TRAF3IP1: variants seen among roughly 807,000 people sequenced by gnomAD.
TRAF3IP1 encodes TRAF3-interacting protein 1.
A neutral mutation model predicts 89.9 loss-of-function variants in TRAF3IP1; 53 were observed. That is an observed-to-expected ratio of 0.59 (90% CI 0.47 to 0.74). The LOEUF (loss-of-function observed/expected upper bound fraction) is 0.74. Among genes scored for constraint, TRAF3IP1 ranks in the 30% least tolerant of loss-of-function variants. TRAF3IP1 has a pLI of 0.00. For synonymous variants in TRAF3IP1, 311 were observed against 322.1 expected (o/e 0.97, Z 0.37); for missense variants, 806 against 866.1 (o/e 0.93, Z 0.87).
chr2:238,367,861 C>G (rs991815298), intron 15 of TRAF3IP1, among the ~76,000 whole-genome samples: 1 of 152,158 alleles, frequency 6.6e-6, no homozygotes, highest in South Asian at 2.1e-4. Context: ...GCCCCAGGCC[C>G]GGAGCCTGTG....
chr2:238,340,138 C>T (rs1013761307), intron 8 of TRAF3IP1, among the ~76,000 whole-genome samples: 3 of 152,254 alleles, frequency 2.0e-5, no homozygotes, highest in African/African-American at 7.2e-5. Context: ...CTCCTCCCCC[C>T]GACCCTGGCC....
At position 238,348,789 on chromosome 2, in the gene TRAF3IP1, A is replaced by C. The variant is rs746431524; in HGVS notation, c.1308A>C (p.Gln436His). 6.2e-7 allele frequency: 1 copy of C among 1,614,068 alleles called. No individual in the cohort carries two copies. Among genetic ancestry groups the C allele is most frequent in the Non-Finnish European group, 8.5e-7 (1 of 1,180,024 alleles). ...DAEGDAGPAG[Q>H]DKSEVPETPE... Reference sequence around the variant, plus strand: ...AAGGAGATGCTGGACCTGCTGGCCAAGATAAGTCTGAGGTGCCAGAGACTC... The same window carrying C: ...AAGGAGATGCTGGACCTGCTGGCCACGATAAGTCTGAGGTGCCAGAGACTC... The change falls in exon 11 of 17, where the codon CAA becomes CAC. Residue 436 changes from glutamine to histidine, a missense_variant. By Grantham distance (24) the Gln-to-His change is conservative. This residue lies in a region of TRAF3IP1 where 732 missense variants were observed against 780.5 expected (regional missense o/e 0.94). Coordinates refer to ENST00000373327, the MANE Select transcript of TRAF3IP1 (RefSeq NM_015650.4).
At chr2:238,362,138 C>T (rs1699688797) in intron 15 of TRAF3IP1, among the ~76,000 whole-genome samples, 1 of 152,166 alleles carries the variant, frequency 6.6e-6, no homozygotes, top group South Asian at 2.1e-4. Context: ...TCTCCTCTGG[C>T]GCCCCTCCTG....
intron 14 of TRAF3IP1, among the ~76,000 whole-genome samples, chr2:238,353,539 A>G (rs906534619): frequency 2.6e-5 from 4 of 152,184 alleles, no homozygotes; most frequent in Non-Finnish European, 4.4e-5. Context: ...TTGCAAGTCT[A>G]GTTCTGGAAT....
At chr2:238,320,929 G>A in intron 1 of TRAF3IP1, 144 bp downstream of exon 1, 1 of 638,670 alleles carries the variant, frequency 1.6e-6, no homozygotes, top group Non-Finnish European at 2.1e-6. Context: ...CCGGAGTCGG[G>A]GCCCGGGCCG....
chr2:238,341,961 T>A (rs948561435), intron 8 of TRAF3IP1, among the ~76,000 whole-genome samples: 14 of 147,868 alleles, frequency 9.5e-5, no homozygotes, highest in African/African-American at 3.7e-4. Context: ...CTTTTTTTTT[T>A]ATTTTGCCAA....
At position 238,351,883 on chromosome 2, in the gene TRAF3IP1, GCGTGCATGTGCT is replaced by G. The variant is rs1699187019; in HGVS notation, c.1452-943_1452-932del. 6.6e-6 allele frequency among the ~76,000 whole-genome samples: 1 copy of G among 151,302 alleles called. No homozygotes were observed. Among genetic ancestry groups the G allele is most frequent in the African/African-American group, 2.4e-5 (1 of 41,172 alleles). On this transcript the variant is annotated intron_variant, in intron 12 of 16. Coordinates refer to ENST00000373327, the MANE Select transcript of TRAF3IP1 (RefSeq NM_015650.4). The surrounding 1 kb of genome is among the most constrained non-coding windows in gnomAD (Gnocchi z 5.2). ...TGTGTGTGTGCGCGCGCGCGCGTGT[GCGTGCATGTGCT>G]TGTGTGTATGCGTGTGTGTGTGTGT...
At chr2:238,367,693 G>A (rs1011825916) in intron 15 of TRAF3IP1, among the ~76,000 whole-genome samples, 1 of 152,118 alleles carries the variant, frequency 6.6e-6, no homozygotes, top group African/African-American at 2.4e-5. Context: ...ATGGCCTCCT[G>A]CACCTGCACC....
intron 15 of TRAF3IP1, among the ~76,000 whole-genome samples, chr2:238,367,752 G>A (rs1699945658): frequency 6.6e-6 from 1 of 152,112 alleles, no homozygotes; most frequent in Admixed American, 6.5e-5. Context: ...TCAGTCCCTT[G>A]CCCAAGGCCT....
chr2:238,353,797 G>A (rs555601828), intron 14 of TRAF3IP1, among the ~76,000 whole-genome samples: 105 of 152,040 alleles, frequency 6.9e-4, no homozygotes, highest in Non-Finnish European at 6.0e-4. Flanking sequence ...TATTTGAGGC[G>A]GAGTCTTGCC....
At chr2:238,335,595 G>A (rs1157404845) in intron 7 of TRAF3IP1, among the ~76,000 whole-genome samples, 6 of 151,956 alleles carry the variant, frequency 3.9e-5, no homozygotes, top group Non-Finnish European at 4.4e-5. Flanking sequence ...ATAAACTAAC[G>A]TCTCAGAATT....
chr2:238,340,833 G>A (rs76797057), intron 8 of TRAF3IP1, among the ~76,000 whole-genome samples: 16,565 of 70,692 alleles, frequency 0.23, 1,110 homozygotes, highest in African/African-American at 0.32. Context: ...GTGTGTGTGT[G>A]TATATATATA....
chr2:238,340,543 C>T (rs901023944), intron 8 of TRAF3IP1, among the ~76,000 whole-genome samples: 1 of 152,092 alleles, frequency 6.6e-6, no homozygotes, highest in African/African-American at 2.4e-5. Context: ...AAAACATGAA[C>T]AATTTCTTCC....
At chr2:238,370,299 GTA>G (rs1408812024) in intron 15 of TRAF3IP1, among the ~76,000 whole-genome samples, 1 of 152,030 alleles carries the variant, frequency 6.6e-6, no homozygotes, top group Non-Finnish European at 1.5e-5. Flanking sequence ...GTGCATGTGT[GTA>G]TGTTTATGTC....
Position 238,379,198 on chromosome 2 carries a change from ACC to A in TRAF3IP1, c.1690-18257_1690-18256del. Among the ~76,000 whole-genome samples the A allele has an allele frequency of 6.6e-6, 1 of 151,648 alleles. No homozygotes were observed. Among genetic ancestry groups the A allele is most frequent in the East Asian group, 1.9e-4 (1 of 5,170 alleles). On this transcript the variant is annotated intron_variant, in intron 15 of 16. Transcript: ENST00000373327. The surrounding 1 kb of genome is among the most constrained non-coding windows in gnomAD (Gnocchi z 4.0). ...GGCTGCTGGTCTCTCGGGCCGGACA[ACC>A]CCCACCCCATTTAAGTCCCTGCCCA...
Position 238,371,890 on chromosome 2 carries a change from G to C in TRAF3IP1, c.1689+15810G>C, listed in dbSNP as rs554389383. 3.0e-4 allele frequency among the ~76,000 whole-genome samples: 45 copies of C among 152,190 alleles called. No homozygotes were observed. The South Asian group carries it at 9.1e-3, about 31-fold the overall frequency. ...AAATATTAAATTACGTATATGGCTT[G>C]CATATTTCTATTGGGCAGCATTGGT... On this transcript the variant is annotated intron_variant, in intron 15 of 16. Transcript: ENST00000373327.
intron 14 of TRAF3IP1, among the ~76,000 whole-genome samples, chr2:238,353,725 A>G (rs1052904283): frequency 3.3e-5 from 5 of 152,006 alleles, no homozygotes; most frequent in African/African-American, 1.2e-4. Context: ...GTGAGTAACG[A>G]GGGCTTGTTG....
intron 15 of TRAF3IP1, among the ~76,000 whole-genome samples, chr2:238,375,050 A>G (rs1198702434): frequency 2.0e-5 from 3 of 152,124 alleles, no homozygotes; most frequent in East Asian, 3.9e-4. Flanking sequence ...CTAGCGGTCT[A>G]TCAGTTTTGT....
At chr2:238,397,380 C>A (rs559963661) in intron 15 of TRAF3IP1, 79 bp from the exon 16 acceptor site, 2 of 1,301,898 alleles carry the variant, frequency 1.5e-6, no homozygotes, top group African/African-American at 2.9e-5. Flanking sequence ...GCCCCATGGC[C>A]GTGTGCTGAG....
Sources: gnomAD v4.1 joint callset for allele counts (sites outside exome capture counted in the v4.1 genomes callset) on GRCh38, gnomAD v4.1.1 for gene constraint, gnomAD v4.1.1 regional missense constraint, Gnocchi (gnomAD v3.1) non-coding constraint, MANE v1.5 for transcripts, NCBI Gene and HGNC (gene_info 2026-07-23, HGNC 2026-07-21) for gene names.